Variants in ASIC2 observed in about 807,000 individuals in gnomAD.
ASIC2 encodes acid-sensing ion channel 2.
In ASIC2, 25 loss-of-function variants were observed where a neutral mutation model predicts 57.3. The ratio of observed to expected loss-of-function variants is 0.44; its 90% confidence interval spans 0.32 to 0.61. ASIC2 has a LOEUF of 0.61. ASIC2 is among the 20% of genes least tolerant of loss of function. The probability of loss-of-function intolerance (pLI) is 0.06; values close to 1 mark genes in which losing one functional copy is unlikely to be tolerated. For synonymous variants in ASIC2, 319 were observed against 307.5 expected, an observed-to-expected ratio of 1.04 and a Z score of -0.39; for missense variants, 641 against 738.1, an observed-to-expected ratio of 0.87 and a Z score of 1.52.
intron 1 of ASIC2, among the ~76,000 whole-genome samples, chr17:33,366,706 G>A (rs1908822640): frequency 1.3e-5 from 2 of 152,208 alleles, no homozygotes; most frequent in African/African-American, 4.8e-5. Flanking sequence ...TATCTACAGG[G>A]CATAGCAGAG....
intron 1 of ASIC2, among the ~76,000 whole-genome samples, chr17:33,551,640 TC>T (rs1207131883): frequency 6.6e-6 from 1 of 152,120 alleles, no homozygotes; most frequent in African/African-American, 2.4e-5. Context: ...TAGACATCCT[TC>T]CCCTAGGACC....
At chr17:33,812,343 A>G (rs921267041) in intron 1 of ASIC2, among the ~76,000 whole-genome samples, 9 of 152,230 alleles carry the variant, frequency 5.9e-5, no homozygotes, top group African/African-American at 2.2e-4. Flanking sequence ...TAGCATGTCA[A>G]GAGCACAAGT....
intron 1 of ASIC2, among the ~76,000 whole-genome samples, chr17:33,961,590 A>AT (rs1298705785): frequency 6.6e-6 from 1 of 152,044 alleles, no homozygotes; most frequent in Non-Finnish European, 1.5e-5. Context: ...TACTGTTTGG[A>AT]TTTTCTCTCC....
chr17:34,120,355 C>A (rs933602619), intron 1 of ASIC2, among the ~76,000 whole-genome samples: 1 of 152,166 alleles, frequency 6.6e-6, no homozygotes, highest in Non-Finnish European at 1.5e-5. Flanking sequence ...GCTCCTCCTG[C>A]TTTTTTCCCA....
At chr17:34,045,504 T>G (rs902705457) in intron 1 of ASIC2, among the ~76,000 whole-genome samples, 5 of 152,226 alleles carry the variant, frequency 3.3e-5, no homozygotes, top group Non-Finnish European at 7.3e-5. Flanking sequence ...AGAAGATTAA[T>G]GGAAAAACTT....
chr17:33,401,347 C>T (rs76836581), intron 1 of ASIC2, among the ~76,000 whole-genome samples: 3,263 of 152,302 alleles, frequency 0.021, 41 homozygotes, highest in Non-Finnish European at 0.031. Context: ...CTCTGATCAT[C>T]AATCTGAACT....
At chr17:33,923,174 A>G (rs1245725816) in intron 1 of ASIC2, among the ~76,000 whole-genome samples, 1 of 152,170 alleles carries the variant, frequency 6.6e-6, no homozygotes, top group African/African-American at 2.4e-5. Flanking sequence ...AGAAGATGGA[A>G]AATGGGTGAT....
chr17:33,775,364 A>G (rs938602049), intron 1 of ASIC2, among the ~76,000 whole-genome samples: 1 of 152,250 alleles, frequency 6.6e-6, no homozygotes, highest in Non-Finnish European at 1.5e-5. Context: ...GGGACTCAGC[A>G]TCTGCCTTCA....
At chr17:34,065,708 T>C (rs1321656294) in intron 1 of ASIC2, among the ~76,000 whole-genome samples, 1 of 152,058 alleles carries the variant, frequency 6.6e-6, no homozygotes, top group African/African-American at 2.4e-5. Flanking sequence ...TCTTGATCAT[T>C]GCATTCTGAG....
intron 1 of ASIC2, among the ~76,000 whole-genome samples, chr17:33,686,391 G>T (rs577596398): frequency 6.6e-6 from 1 of 152,180 alleles, no homozygotes; most frequent in South Asian, 2.1e-4. Context: ...CCCTGCTGGG[G>T]TGGAGTGGAA....
intron 1 of ASIC2, among the ~76,000 whole-genome samples, chr17:33,704,066 T>C (rs921098801): frequency 9.9e-5 from 15 of 152,182 alleles, no homozygotes; most frequent in Non-Finnish European, 2.1e-4. Context: ...CCTTAAATCA[T>C]AGAGAAACTG....
intron 1 of ASIC2, among the ~76,000 whole-genome samples, chr17:34,087,809 C>A (rs1408076200): frequency 1.3e-5 from 2 of 152,124 alleles, no homozygotes; most frequent in Non-Finnish European, 2.9e-5. Context: ...ATCACTGATA[C>A]CCTTTCTTCC....
intron 1 of ASIC2, among the ~76,000 whole-genome samples, chr17:34,044,148 AC>A (rs1478060294): frequency 6.6e-5 from 10 of 151,514 alleles, no homozygotes; most frequent in Non-Finnish European, 1.0e-4. Context: ...ACACACACAC[AC>A]CAAGAAGAAG....
intron 1 of ASIC2, among the ~76,000 whole-genome samples, chr17:33,900,571 T>A (rs1243086438): frequency 2.0e-5 from 3 of 152,342 alleles, no homozygotes; most frequent in Admixed American, 6.5e-5. Context: ...AAAAATTTTT[T>A]AATCTCTATT....
At chr17:33,350,681 GAAAA>G (rs907009436) in intron 1 of ASIC2, among the ~76,000 whole-genome samples, 2 of 87,750 alleles carry the variant, frequency 2.3e-5, no homozygotes, top group African/African-American at 1.8e-4. Flanking sequence ...GACTCTGTGA[GAAAA>G]AAAAAGAAAG....
intron 1 of ASIC2, among the ~76,000 whole-genome samples, chr17:33,616,796 C>G (rs2059125027): frequency 6.6e-6 from 1 of 152,208 alleles, no homozygotes; most frequent in Admixed American, 6.5e-5. Flanking sequence ...AAGAAAAATA[C>G]CATTCTTTAG....
intron 1 of ASIC2, among the ~76,000 whole-genome samples, chr17:34,031,852 T>C (rs951136718): frequency 6.6e-5 from 10 of 152,188 alleles, no homozygotes; most frequent in Non-Finnish European, 1.2e-4. Context: ...CCAAGACTTA[T>C]GGCAGTATGT....
chr17:33,167,681 T>C (rs1905353597), intron 1 of ASIC2, among the ~76,000 whole-genome samples: 1 of 152,176 alleles, frequency 6.6e-6, no homozygotes, highest in Non-Finnish European at 1.5e-5. Flanking sequence ...CTTAACCCAA[T>C]AGTGCGACAG....
chr17:33,384,423 T>C (rs1909601122), intron 1 of ASIC2, among the ~76,000 whole-genome samples: 1 of 152,186 alleles, frequency 6.6e-6, no homozygotes, highest in African/African-American at 2.4e-5. Context: ...GATCTTTTTT[T>C]TCTGTGAACT....
Sources: gnomAD v4.1 joint callset for allele counts (sites outside exome capture counted in the v4.1 genomes callset) on GRCh38, gnomAD v4.1.1 for gene constraint, MANE v1.5 for transcripts, NCBI Gene and HGNC (gene_info 2026-07-23, HGNC 2026-07-21) for gene names.